ALS2: variants seen among roughly 807,000 people sequenced by gnomAD.
The protein encoded by ALS2 is alsin.
A neutral mutation model predicts 203.4 loss-of-function variants in ALS2; 117 were observed. The ratio of observed to expected loss-of-function variants is 0.58; its 90% CI spans 0.50 to 0.67. ALS2 has a LOEUF of 0.67. Among genes scored for constraint, ALS2 ranks in the 30% least tolerant of loss-of-function variants. The pLI is 0.00. For missense variants in ALS2, 1,715 were observed against 1,989.4 expected (o/e 0.86, Z 2.62); for synonymous variants, 718 against 725.9 (o/e 0.99, Z 0.17).
At position 201,711,040 on chromosome 2, in the gene ALS2, C is replaced by A; in HGVS notation, c.4073G>T (p.Gly1358Val). The change falls in exon 26 of 34, where the codon GGT (glycine) becomes GTT (valine). Residue 1358 changes from glycine to valine, a missense_variant. Gly to Val is a moderately radical substitution (Grantham distance 109). Transcript: ENST00000264276. Reference protein sequence around the residue: ...ESLEFIPQHVGAFSVEKYDDI... With the variant: ...ESLEFIPQHVVAFSVEKYDDI... ...ATCATATTTCTCCACAGAGAAGGCA[C>A]CAACATGCTGTGGAATGAATTCCAA... 6.2e-7 allele frequency: 1 copy of A among 1,612,894 alleles called. No individual in the cohort carries two copies. Among genetic ancestry groups the A allele is most frequent in the Non-Finnish European group, 8.5e-7 (1 of 1,179,116 alleles).
chr2:201,757,270 A>G, intron 5 of ALS2, 132 bp downstream of exon 5: 1 of 794,162 alleles, frequency 1.3e-6, no homozygotes, highest in South Asian at 1.5e-5. Context: ...TAAAACCACC[A>G]TTAAATAAAT....
chr2:201,710,870 A>G (rs1689986458), intron 26 of ALS2, 121 bp downstream of exon 26: 5 of 705,838 alleles, frequency 7.1e-6, no homozygotes, highest in South Asian at 1.6e-5. Context: ...TTAACAAAAG[A>G]AATGCACAGG....
intron 17 of ALS2, 41 bp downstream of exon 17, chr2:201,727,171 G>A (rs766064314): frequency 5.3e-6 from 8 of 1,500,060 alleles, no homozygotes; most frequent in African/African-American, 2.8e-5. Flanking sequence ...GGCAGAAAGA[G>A]CCAGGGCGAA....
intron 23 of ALS2, 37 bp downstream of exon 23, chr2:201,723,002 GAATT>G: frequency 6.9e-7 from 1 of 1,459,274 alleles, no homozygotes; most frequent in South Asian, 1.2e-5. Flanking sequence ...ATTAGTAAAA[GAATT>G]TATTAGGGAG....
At chr2:201,759,286 C>A (rs906850881) in intron 4 of ALS2, among the ~76,000 whole-genome samples, 1 of 152,204 alleles carries the variant, frequency 6.6e-6, no homozygotes, top group Admixed American at 6.5e-5. Context: ...TTTAGGAGTT[C>A]CAGTCAACCA....
intron 13 of ALS2, among the ~76,000 whole-genome samples, chr2:201,730,323 G>A (rs992938809): frequency 3.9e-5 from 6 of 151,956 alleles, no homozygotes; most frequent in Non-Finnish European, 7.4e-5. Flanking sequence ...GGAAAATATC[G>A]GTTGACTGAA....
intron 8 of ALS2, among the ~76,000 whole-genome samples, chr2:201,747,444 G>C (rs1692736138): frequency 6.7e-6 from 1 of 149,110 alleles, no homozygotes; most frequent in East Asian, 2.0e-4. Context: ...ATGGGGAATA[G>C]AGTCCAGCAC....
rs758942531 is a variant in ALS2 at position 201,761,283 on chromosome 2, C to T, written c.711G>A (p.Gln237=). The T allele has an allele frequency of 6.2e-7, 1 of 1,614,120 alleles. No homozygotes were observed. The highest frequency in any genetic ancestry group is 8.5e-7 in the Non-Finnish European group (1 of 1,180,032). The change falls in exon 4 of 34, where the codon CAG becomes CAA. Residue 237 remains glutamine (Q), a synonymous_variant. Transcript: ENST00000264276. ...CTTTGTCAGTCATAGTAATCAAGAG[C>T]TGGCTGCACTGGTTGCATCGTTCTG... ...PVPERCNQCS[Q]LLITMTDKED...
intron 27 of ALS2, 135 bp downstream of exon 27, chr2:201,709,745 TA>T (rs1689923758): frequency 9.1e-7 from 1 of 1,093,978 alleles, no homozygotes; most frequent in Non-Finnish European, 1.4e-6. Context: ...CACATACATT[TA>T]AAACATGTTT....
At chr2:201,720,368 A>G (rs944915522) in intron 23 of ALS2, among the ~76,000 whole-genome samples, 2 of 152,096 alleles carry the variant, frequency 1.3e-5, no homozygotes, top group Non-Finnish European at 2.9e-5. Flanking sequence ...GATAAAAACC[A>G]CATGATCATC....
At chr2:201,720,592 T>C (rs549014297) in intron 23 of ALS2, among the ~76,000 whole-genome samples, 187 of 145,872 alleles carry the variant, frequency 1.3e-3, no homozygotes, top group African/African-American at 4.7e-3. Flanking sequence ...CATGTGCCTA[T>C]AGTCCCAGTT....
At chr2:201,719,465 T>A (rs1690620801) in intron 23 of ALS2, among the ~76,000 whole-genome samples, 1 of 152,216 alleles carries the variant, frequency 6.6e-6, no homozygotes, top group South Asian at 2.1e-4. Flanking sequence ...GGCACGTGCC[T>A]GTAATCCCAT....
chr2:201,737,660 G>A (rs533737042), intron 12 of ALS2, among the ~76,000 whole-genome samples: 16 of 152,220 alleles, frequency 1.1e-4, no homozygotes, highest in African/African-American at 3.6e-4. Context: ...GGTGGCTCAC[G>A]CCTGTAATCC....
In ALS2 at chr2:201,769,076, T is replaced by C. The variant is rs967381991; in HGVS notation, c.-60-131A>G. The C allele has an allele frequency of 1.3e-5, 7 of 530,758 alleles. No individual in the cohort carries two copies. In the Admixed American group the frequency reaches 2.5e-4, roughly 19 times the overall value. 32.9% of individuals were successfully genotyped at this position (530,758 alleles called of 1,614,324 possible). ...AAATATGCAGTAAAACTATTTAAAC[T>C]ATTTCATATCTTGCCTGCCAAAGTC... On this transcript the variant is annotated intron_variant, in intron 1 of 33. Coordinates refer to ENST00000264276, the MANE Select transcript of ALS2 (RefSeq NM_020919.4).
At chr2:201,748,295 G>A (rs1007409338) in intron 8 of ALS2, among the ~76,000 whole-genome samples, 1 of 151,998 alleles carries the variant, frequency 6.6e-6, no homozygotes, top group Non-Finnish European at 1.5e-5. Flanking sequence ...TCCAAATAAC[G>A]GACTTCCCAT....
intron 14 of ALS2, 62 bp downstream of exon 14, chr2:201,728,990 T>A (rs1691370376): frequency 1.2e-6 from 2 of 1,612,092 alleles, no homozygotes; most frequent in Non-Finnish European, 1.7e-6. Context: ...GAAAATTGTA[T>A]CAATTGTTAT....
At chr2:201,752,313 T>C (rs1693114344) in intron 7 of ALS2, among the ~76,000 whole-genome samples, 1 of 152,160 alleles carries the variant, frequency 6.6e-6, no homozygotes, top group Non-Finnish European at 1.5e-5. Context: ...CCTTAACACT[T>C]TTGGTGTAGT....
At chr2:201,734,580 T>C (rs959077694) in intron 12 of ALS2, among the ~76,000 whole-genome samples, 3 of 152,244 alleles carry the variant, frequency 2.0e-5, no homozygotes, top group Non-Finnish European at 4.4e-5. Flanking sequence ...TGAGGACTTA[T>C]TTAATTTTAC....
chr2:201,761,042 T>A lies in ALS2; in HGVS notation c.952A>T (p.Met318Leu), dbSNP rs1203748153. ...VSAQITSSDA[M>L]SSQQNVMGTT... ...CCCATGACATTTTGTTGAGAGGACATGGCATCGCTGCTTGTGATCTGAGCA... is the reference window on the plus strand; with the variant it reads ...CCCATGACATTTTGTTGAGAGGACAAGGCATCGCTGCTTGTGATCTGAGCA... The change falls in exon 4 of 34, where the codon ATG (methionine) becomes TTG (leucine). Residue 318 changes from methionine to leucine, a missense_variant. By Grantham distance (15) the Met-to-Leu change is conservative (BLOSUM62 2). Around this residue, in one of 3 missense-constraint regions of ALS2, gnomAD observed 476 missense variants for 539.3 expected, o/e 0.88. Coordinates refer to ENST00000264276, the MANE Select transcript of ALS2 (RefSeq NM_020919.4). 2 of 1,614,078 alleles carry A rather than the reference T, an allele frequency of 1.2e-6. No homozygotes were observed. The highest frequency in any genetic ancestry group is 2.7e-5 in the African/African-American group (2 of 74,944).
Sources: allele counts gnomAD v4.1 joint callset (sites outside exome capture counted in the v4.1 genomes callset), GRCh38; gene constraint gnomAD v4.1.1; regional missense constraint gnomAD v4.1.1; transcripts MANE v1.5; gene names NCBI Gene and HGNC (gene_info 2026-07-23, HGNC 2026-07-21).